LIFR: variants seen among roughly 807,000 people sequenced by gnomAD.
The protein encoded by LIFR is LIF receptor subunit alpha.
Under a neutral mutation model 122.2 loss-of-function variants are expected in LIFR, and 84 were observed. The observed-to-expected ratio is 0.69, with a 90% CI of 0.58 to 0.82. LIFR has a LOEUF of 0.82. Among genes scored for constraint, LIFR ranks in the 40% least tolerant of loss-of-function variants. The pLI is 0.00. For synonymous variants in LIFR, 422 were observed against 434.7 expected (o/e 0.97, Z 0.36); for missense variants, 1,294 against 1,311.6 (o/e 0.99, Z 0.21).
intron 1 of LIFR, among the ~76,000 whole-genome samples, chr5:38,537,589 G>A (rs1360470591): frequency 6.6e-6 from 1 of 151,910 alleles, no homozygotes; most frequent in Non-Finnish European, 1.5e-5. Context: ...AGGAAAACAT[G>A]ACGAAAACTT....
chr5:38,583,729 T>C (rs1053124206), intron 1 of LIFR, among the ~76,000 whole-genome samples: 3 of 152,160 alleles, frequency 2.0e-5, no homozygotes, highest in Non-Finnish European at 4.4e-5. Flanking sequence ...ACACCATTGA[T>C]ATGGTTTGAC....
chr5:38,584,415 G>A (rs1408489180), intron 1 of LIFR, among the ~76,000 whole-genome samples: 2 of 152,038 alleles, frequency 1.3e-5, no homozygotes, highest in Admixed American at 6.6e-5. Flanking sequence ...TTGTGGTACT[G>A]TTCCATAGCC....
At chr5:38,556,176 G>A (rs895220345) in intron 1 of LIFR, among the ~76,000 whole-genome samples, 158 bp downstream of exon 1, 11 of 152,036 alleles carry the variant, frequency 7.2e-5, no homozygotes, top group Admixed American at 3.9e-4. Context: ...CGCGGAGAGC[G>A]GCGGGACCCG....
chr5:38,491,213 A>G (rs1030092924), intron 14 of LIFR, among the ~76,000 whole-genome samples: 1 of 152,214 alleles, frequency 6.6e-6, no homozygotes, highest in Non-Finnish European at 1.5e-5. Flanking sequence ...CTTCCAATTG[A>G]AGTACCTTAA....
At position 38,530,644 on chromosome 5, in the gene LIFR, T is replaced by C. The variant is rs552697580; in HGVS notation, c.4A>G (p.Met2Val). The C allele has an allele frequency of 5.4e-5, 87 of 1,613,930 alleles. 2 individuals carry two copies. Among genetic ancestry groups the C allele is most frequent in the East Asian group, 3.8e-4 (17 of 44,864 alleles). The change falls in exon 2 of 20, where the codon ATG becomes GTG. Residue 2 changes from methionine (M) to valine (V), a missense_variant. Met to Val is a conservative substitution (Grantham distance 21). Transcript: ENST00000453190. The part of the protein sequence containing the change: M[M>V]DIYVCLKRPS... ...CGTTTCAAACATACGTAAATATCCA[T>C]CATCTGTGCAATGCAGTCAGTCCTA...
chr5:38,550,276 G>T, intron 1 of LIFR: 3 of 948,158 alleles, frequency 3.2e-6, no homozygotes, highest in Non-Finnish European at 3.8e-6. Context: ...TAAAATAGCT[G>T]AGCTATTGAT....
intron 2 of LIFR, among the ~76,000 whole-genome samples, chr5:38,602,486 G>T (rs1433725666): frequency 1.3e-5 from 2 of 151,682 alleles, no homozygotes. Flanking sequence ...TCTCTTTGAG[G>T]CCTTCTCTTT....
At chr5:38,589,075 G>A (rs1455638992) in intron 1 of LIFR, among the ~76,000 whole-genome samples, 1 of 149,500 alleles carries the variant, frequency 6.7e-6, no homozygotes, top group East Asian at 2.0e-4. Flanking sequence ...TTGGCTCACT[G>A]CTAGCTTGGC....
At chr5:38,522,194 A>G (rs748133855) in intron 5 of LIFR, among the ~76,000 whole-genome samples, 2 of 152,208 alleles carry the variant, frequency 1.3e-5, no homozygotes, top group Non-Finnish European at 2.9e-5. Flanking sequence ...CTCACGCTTC[A>G]GCCTTAGTGG....
intron 1 of LIFR, among the ~76,000 whole-genome samples, chr5:38,582,056 T>C (rs959267981): frequency 7.4e-6 from 1 of 134,910 alleles, no homozygotes; most frequent in East Asian, 2.8e-4. Context: ...TCTTTTTTTT[T>C]CCTTTTTTTT....
In LIFR at chr5:38,489,259, A is replaced by C; in HGVS notation, c.2168-14T>G. The C allele has an allele frequency of 6.2e-7, 1 of 1,605,916 alleles. No individual in the cohort carries two copies. Among genetic ancestry groups the C allele is most frequent in the Non-Finnish European group, 8.5e-7 (1 of 1,174,482 alleles). ...CAACAATGGGAGCTGTAAAAGGAAA[A>C]AGTCAATTGCTAAAGGGGAGTGTAT... On this transcript the variant is annotated splice_polypyrimidine_tract_variant and intron_variant, in intron 15 of 19. Transcript: ENST00000453190.
intron 1 of LIFR, among the ~76,000 whole-genome samples, chr5:38,535,435 G>A (rs1277692218): frequency 1.3e-5 from 2 of 152,146 alleles, no homozygotes; most frequent in Non-Finnish European, 2.9e-5. Context: ...AATCTTACCC[G>A]CCTCTTGATT....
chr5:38,506,467 C>G lies in LIFR; in HGVS notation c.1121+36G>C, dbSNP rs764533706. The G allele has an allele frequency of 1.1e-5, 17 of 1,613,238 alleles. No homozygotes were observed. In the Middle Eastern group the frequency reaches 6.6e-4, roughly 63 times the overall value. On this transcript the variant is annotated intron_variant, in intron 8 of 19. Transcript: ENST00000453190. Reference sequence around the variant, plus strand: ...ATTTAACATGCACTTCCAACGTACTCCTTGCCATCTGACATCTTTTCCCAG... The same window carrying G: ...ATTTAACATGCACTTCCAACGTACTGCTTGCCATCTGACATCTTTTCCCAG...
intron 11 of LIFR, among the ~76,000 whole-genome samples, chr5:38,500,485 T>C (rs1745120604): frequency 1.3e-5 from 2 of 152,204 alleles, no homozygotes; most frequent in African/African-American, 2.4e-5. Context: ...AGCCTGAAGG[T>C]AATTTCATAC....
In LIFR at chr5:38,511,744, C is replaced by T. The variant is rs1229999272; in HGVS notation, c.736+46G>A. 5.8e-6 allele frequency: 9 copies of T among 1,562,964 alleles called. No homozygotes were observed. In the Admixed American group the frequency reaches 1.5e-4, roughly 26 times the overall value. ...AACTAAATCTTACTCTTAAGTGAGA[C>T]TAATTTAATTCATCTGAAACAAACA... is the stretch of plus-strand genomic sequence containing the variant. On this transcript the variant is annotated intron_variant, in intron 6 of 19. Transcript: ENST00000453190.
At chr5:38,492,247 T>C (rs376962178) in intron 14 of LIFR, among the ~76,000 whole-genome samples, 1 of 152,202 alleles carries the variant, frequency 6.6e-6, no homozygotes, top group East Asian at 1.9e-4. Flanking sequence ...AAGCTTTGTG[T>C]CTTTGTTCAA....
At chr5:38,506,679 T>C (rs776138642) in intron 7 of LIFR, 47 bp from the exon 8 acceptor site, 7 of 1,501,992 alleles carry the variant, frequency 4.7e-6, no homozygotes, top group Middle Eastern at 3.4e-4. Flanking sequence ...ATATTTTCCC[T>C]GAAAACATAA....
At chr5:38,538,959 T>C (rs1486495297) in intron 1 of LIFR, among the ~76,000 whole-genome samples, 2 of 152,074 alleles carry the variant, frequency 1.3e-5, no homozygotes, top group Admixed American at 6.6e-5. Flanking sequence ...CTCTTCCTCT[T>C]GGTTCTCTCT....
Position 38,523,570 on chromosome 5 carries a change from T to C in LIFR, c.410A>G (p.Asp137Gly), listed in dbSNP as rs773284026. Residue 137 changes from aspartate to glycine, a missense_variant, in exon 5 of 20, where the codon GAT becomes GGT. Asp to Gly is a moderately conservative substitution (Grantham distance 94, BLOSUM62 -1). Transcript: ENST00000453190. ...AGACAAATTCAAGATCTCTGGAGTA[T>C]CTGGAATTAAGGCTTTAAAAAGAGG... ...LNEQNVSLIP[D>G]TPEILNLSAD... is the part of the protein sequence containing the mutation. 33 of 1,612,740 alleles carry C rather than the reference T, an allele frequency of 2.0e-5. No homozygotes were observed. The Admixed American group carries it at 3.7e-4, about 18-fold the overall frequency.
Sources: gnomAD v4.1 joint callset for allele counts (sites outside exome capture counted in the v4.1 genomes callset) on GRCh38, gnomAD v4.1.1 for gene constraint, MANE v1.5 for transcripts, NCBI Gene and HGNC (gene_info 2026-07-23, HGNC 2026-07-21) for gene names.